Variants in CREB5 observed in about 807,000 individuals in gnomAD.
CREB5 encodes the protein cAMP responsive element binding protein 5.
CREB5 carries 19 observed loss-of-function variants against 57.1 expected under a neutral mutation model. The observed-to-expected ratio is 0.33, with a 90% CI of 0.23 to 0.49. CREB5 has a LOEUF of 0.49. Ranked by LOEUF, CREB5 falls within the 20% of genes least tolerant of loss-of-function variation. The pLI is 0.99. For missense variants in CREB5, 579 were observed against 671.6 expected (o/e 0.86, Z 1.52); for synonymous variants, 238 against 238.3 (o/e 1.00, Z 0.01).
chr7:28,361,832 G>C (rs183186222), intron 1 of CREB5, among the ~76,000 whole-genome samples: 49 of 152,268 alleles, frequency 3.2e-4, no homozygotes, highest in Middle Eastern at 3.4e-3. Context: ...TTTTGGTAGA[G>C]GGGCTGGGGA....
intron 5 of CREB5, among the ~76,000 whole-genome samples, chr7:28,652,307 A>G (rs1325353138): frequency 6.6e-6 from 1 of 152,068 alleles, no homozygotes; most frequent in Non-Finnish European, 1.5e-5. Context: ...GAAAGCTCCT[A>G]TTTTCAAATT....
intron 1 of CREB5, among the ~76,000 whole-genome samples, chr7:28,466,228 A>T (rs1406708024): frequency 6.6e-6 from 1 of 151,856 alleles, no homozygotes; most frequent in Non-Finnish European, 1.5e-5. Context: ...AAAAAAAAAA[A>T]AAAAAAGCTC....
At chr7:28,524,058 G>A (rs1485397315) in intron 4 of CREB5, among the ~76,000 whole-genome samples, 1 of 152,210 alleles carries the variant, frequency 6.6e-6, no homozygotes, top group Non-Finnish European at 1.5e-5. Context: ...ACATGTAATA[G>A]TGAATGAATG....
intron 1 of CREB5, among the ~76,000 whole-genome samples, chr7:28,343,297 G>A (rs561451337): frequency 1.3e-5 from 2 of 152,060 alleles, no homozygotes; most frequent in African/African-American, 2.4e-5. Context: ...ATAGAATACC[G>A]GAACTTATTA....
chr7:28,371,868 G>A (rs952924139), intron 1 of CREB5, among the ~76,000 whole-genome samples: 2 of 152,090 alleles, frequency 1.3e-5, no homozygotes, highest in Non-Finnish European at 2.9e-5. Flanking sequence ...TAGACACCAC[G>A]CTCCCAATCA....
At chr7:28,471,012 T>C (rs1790782382) in intron 1 of CREB5, among the ~76,000 whole-genome samples, 1 of 152,200 alleles carries the variant, frequency 6.6e-6, no homozygotes, top group African/African-American at 2.4e-5. Context: ...AGGTATTTTC[T>C]CCTATCCTTG....
At chr7:28,467,216 AGAG>A (rs553395575) in intron 1 of CREB5, among the ~76,000 whole-genome samples, 257 of 152,282 alleles carry the variant, frequency 1.7e-3, no homozygotes, top group Non-Finnish European at 7.8e-4. Flanking sequence ...CAGAGGGAAG[AGAG>A]GAGAAGAGAA....
chr7:28,700,225 C>T (rs181648837), intron 5 of CREB5, among the ~76,000 whole-genome samples: 19 of 152,286 alleles, frequency 1.2e-4, no homozygotes, highest in South Asian at 2.1e-4. Flanking sequence ...AACTCACACA[C>T]GCGCACAAGC....
At chr7:28,788,603 A>G (rs1859683) in intron 7 of CREB5, among the ~76,000 whole-genome samples, 127,422 of 152,204 alleles carry the variant, frequency 0.84, 54,404 homozygotes, top group African/African-American at 0.94. Context: ...ACCGTGCACA[A>G]AGTAAACGCT....
intron 1 of CREB5, among the ~76,000 whole-genome samples, chr7:28,475,274 T>G (rs1245708180): frequency 1.7e-5 from 2 of 120,448 alleles, no homozygotes; most frequent in Admixed American, 8.3e-5. Context: ...TTTTTTTTTT[T>G]TTTTTTTTTT....
intron 1 of CREB5, among the ~76,000 whole-genome samples, chr7:28,393,370 C>G (rs1307175034): frequency 1.3e-5 from 2 of 152,238 alleles, no homozygotes; most frequent in Non-Finnish European, 2.9e-5. Flanking sequence ...CCTGTTTCTT[C>G]TCTCTGCTCT....
At chr7:28,538,344 G>A (rs1044572661) in intron 4 of CREB5, among the ~76,000 whole-genome samples, 13 of 152,158 alleles carry the variant, frequency 8.5e-5, no homozygotes, top group African/African-American at 1.4e-4. Context: ...GTGAGCCACC[G>A]TGCCTGGCCT....
intron 1 of CREB5, among the ~76,000 whole-genome samples, chr7:28,356,109 C>G (rs559738880): frequency 6.6e-6 from 1 of 152,094 alleles, no homozygotes; most frequent in Admixed American, 6.5e-5. Context: ...ACCAAAATGA[C>G]GTCTATAAAT....
intron 5 of CREB5, among the ~76,000 whole-genome samples, chr7:28,697,452 C>T (rs910636604): frequency 2.6e-5 from 4 of 152,100 alleles, no homozygotes; most frequent in African/African-American, 4.8e-5. Flanking sequence ...TGGAAAAGCC[C>T]ATTATGGAAA....
intron 7 of CREB5, among the ~76,000 whole-genome samples, chr7:28,747,606 G>A (rs1325981771): frequency 5.9e-5 from 9 of 152,116 alleles, no homozygotes; most frequent in African/African-American, 1.9e-4. Flanking sequence ...ACTCATTCTT[G>A]AGCCCTAATT....
chr7:28,635,341 C>A (rs145043240), intron 5 of CREB5, among the ~76,000 whole-genome samples: 4 of 152,328 alleles, frequency 2.6e-5, no homozygotes, highest in South Asian at 2.1e-4. Context: ...ATTTATTCCA[C>A]TCTTTAGCAC....
intron 5 of CREB5, among the ~76,000 whole-genome samples, chr7:28,666,618 C>T (rs1302363260): frequency 2.6e-5 from 4 of 151,892 alleles, no homozygotes; most frequent in Non-Finnish European, 4.4e-5. Flanking sequence ...AGAAAGGGTA[C>T]AACAGAACAG....
intron 1 of CREB5, among the ~76,000 whole-genome samples, chr7:28,356,416 G>T (rs896140719): frequency 6.6e-6 from 1 of 152,170 alleles, no homozygotes; most frequent in Non-Finnish European, 1.5e-5. Flanking sequence ...TTACAACGTC[G>T]TTTTAGGCAA....
intron 5 of CREB5, among the ~76,000 whole-genome samples, chr7:28,632,887 G>A (rs746438980): frequency 7.2e-5 from 11 of 152,060 alleles, no homozygotes; most frequent in South Asian, 4.2e-4. Context: ...TAGAAACACC[G>A]TAAGTTCAAG....
Sources: gnomAD v4.1 joint callset for allele counts (sites outside exome capture counted in the v4.1 genomes callset) on GRCh38, gnomAD v4.1.1 for gene constraint, MANE v1.5 for transcripts, NCBI Gene and HGNC (gene_info 2026-07-23, HGNC 2026-07-21) for gene names.